The following CSMD1 variants were observed in gnomAD, a reference collection of about 807,000 sequenced individuals.
CSMD1 encodes the protein CUB and sushi domain-containing protein 1.
A neutral mutation model predicts 417.5 loss-of-function variants in CSMD1; 213 were observed. The observed-to-expected ratio is 0.51, with a 90% CI of 0.46 to 0.57. The LOEUF (loss-of-function observed/expected upper bound fraction) is 0.57. Ranked by LOEUF, CSMD1 falls within the 20% of genes least tolerant of loss-of-function variation. The pLI is 0.00. For synonymous variants in CSMD1, 2,862 were observed against 1,736.8 expected (o/e 1.65, Z -16.11); for missense variants, 6,923 against 4,529.7 (o/e 1.53, Z -15.17).
chr8:3,592,659 CGTGTGTGTGCACATCCGT>C (rs537174386), intron 8 of CSMD1, among the ~76,000 whole-genome samples: 13,054 of 151,454 alleles, frequency 0.086, 1,696 homozygotes, highest in African/African-American at 0.28. Context: ...TGTGTGTTTA[CGTGTGTGTGCACATCCGT>C]GTGTGTGTGC....
intron 3 of CSMD1, among the ~76,000 whole-genome samples, chr8:4,302,353 G>A (rs1363098248): frequency 2.6e-5 from 4 of 152,158 alleles, no homozygotes; most frequent in Non-Finnish European, 5.9e-5. Context: ...GTGATTCATA[G>A]TGATAATGTA....
At chr8:3,352,741 G>A (rs1246860935) in intron 21 of CSMD1, among the ~76,000 whole-genome samples, 1 of 152,174 alleles carries the variant, frequency 6.6e-6, no homozygotes, top group Non-Finnish European at 1.5e-5. Flanking sequence ...TTGGGAGGCT[G>A]AGGCCGGAGA....
chr8:4,894,272 G>T (rs1244724493), intron 1 of CSMD1, among the ~76,000 whole-genome samples: 1 of 151,926 alleles, frequency 6.6e-6, no homozygotes, highest in East Asian at 1.9e-4. Flanking sequence ...CAAGTCTTTT[G>T]TTTTGCTTTT....
intron 10 of CSMD1, among the ~76,000 whole-genome samples, chr8:3,563,111 T>C (rs958787981): frequency 2.6e-5 from 4 of 152,118 alleles, no homozygotes; most frequent in Non-Finnish European, 4.4e-5. Flanking sequence ...ATTTTATAAA[T>C]ATTTTCAAGA....
At chr8:3,951,536 A>T (rs1163824650) in intron 5 of CSMD1, among the ~76,000 whole-genome samples, 1 of 152,198 alleles carries the variant, frequency 6.6e-6, no homozygotes, top group Non-Finnish European at 1.5e-5. Flanking sequence ...TGTAAATATG[A>T]TGATCTATCT....
intron 5 of CSMD1, among the ~76,000 whole-genome samples, chr8:3,879,597 G>C (rs1019517599): frequency 6.6e-6 from 1 of 152,126 alleles, no homozygotes; most frequent in Non-Finnish European, 1.5e-5. Flanking sequence ...CTATCAGAAT[G>C]AGATTTGCTT....
At chr8:3,201,005 T>C (rs915151181) in intron 32 of CSMD1, among the ~76,000 whole-genome samples, 2 of 152,204 alleles carry the variant, frequency 1.3e-5, no homozygotes, top group African/African-American at 4.8e-5. Context: ...ACCGACTGAA[T>C]ACCATTCAGA....
At chr8:3,854,002 C>A (rs1185533711) in intron 5 of CSMD1, among the ~76,000 whole-genome samples, 3 of 142,154 alleles carry the variant, frequency 2.1e-5, no homozygotes, top group Non-Finnish European at 3.0e-5. Context: ...ATATATGATA[C>A]ATAACATATA....
At chr8:3,507,264 T>A (rs1049190628) in intron 10 of CSMD1, among the ~76,000 whole-genome samples, 4 of 152,162 alleles carry the variant, frequency 2.6e-5, no homozygotes, top group African/African-American at 9.7e-5. Context: ...AAGGAAAACT[T>A]CTGCCTTTAC....
chr8:4,573,146 C>T (rs545704976), intron 2 of CSMD1, among the ~76,000 whole-genome samples: 2 of 152,112 alleles, frequency 1.3e-5, no homozygotes, highest in Non-Finnish European at 2.9e-5. Context: ...TTCCCTGTCC[C>T]GTTGTGTTCC....
At chr8:4,179,405 T>C (rs538733738) in intron 3 of CSMD1, among the ~76,000 whole-genome samples, 1 of 152,240 alleles carries the variant, frequency 6.6e-6, no homozygotes, top group Non-Finnish European at 1.5e-5. Flanking sequence ...ATCCCTTCCT[T>C]ACACCCTATA....
intron 15 of CSMD1, among the ~76,000 whole-genome samples, chr8:3,401,708 G>C (rs570174680): frequency 6.6e-6 from 1 of 151,940 alleles, no homozygotes; most frequent in Non-Finnish European, 1.5e-5. Flanking sequence ...GGTGGAAAAA[G>C]GTCTTAGGAA....
chr8:3,287,142 A>G (rs200231356), intron 25 of CSMD1, among the ~76,000 whole-genome samples: 4,500 of 147,526 alleles, frequency 0.031, 104 homozygotes, highest in Admixed American at 0.077. Context: ...GTAGATATGC[A>G]GCATTATTTC....
intron 3 of CSMD1, among the ~76,000 whole-genome samples, chr8:4,205,973 A>G (rs1372982986): frequency 6.6e-5 from 10 of 151,964 alleles, no homozygotes; most frequent in Admixed American, 6.6e-4. Context: ...ACACGTTTCC[A>G]TTCTCTCTAC....
chr8:3,009,380 G>A (rs945719074), intron 52 of CSMD1, among the ~76,000 whole-genome samples: 1 of 152,176 alleles, frequency 6.6e-6, no homozygotes, highest in Non-Finnish European at 1.5e-5. Context: ...AATATCCTGG[G>A]CCTGTAGGGG....
intron 7 of CSMD1, among the ~76,000 whole-genome samples, chr8:3,672,474 T>A (rs975803702): frequency 6.6e-6 from 1 of 152,184 alleles, no homozygotes. Flanking sequence ...AAAACACGTG[T>A]AGGTCTGCTG....
intron 35 of CSMD1, among the ~76,000 whole-genome samples, chr8:3,188,304 CTTTTTTTTTTTT>C (rs33913660): frequency 9.1e-5 from 8 of 87,624 alleles, no homozygotes; most frequent in African/African-American, 1.4e-4. Flanking sequence ...CTTTTCCTTT[CTTTTTTTTTTTT>C]TTTTTTTTGA....
intron 2 of CSMD1, among the ~76,000 whole-genome samples, chr8:4,438,249 G>A (rs1350051125): frequency 6.6e-6 from 1 of 152,162 alleles, no homozygotes; most frequent in East Asian, 1.9e-4. Context: ...CTTGTTTTTA[G>A]AGTGCAGTTC....
At chr8:3,604,384 T>A (rs535296204) in intron 8 of CSMD1, among the ~76,000 whole-genome samples, 2 of 152,262 alleles carry the variant, frequency 1.3e-5, no homozygotes, top group African/African-American at 4.8e-5. Flanking sequence ...CTCCGAATCT[T>A]AAGATCTGGA....
Sources: allele counts gnomAD v4.1 joint callset (sites outside exome capture counted in the v4.1 genomes callset), GRCh38; gene constraint gnomAD v4.1.1; transcripts MANE v1.5; gene names NCBI Gene and HGNC (gene_info 2026-07-23, HGNC 2026-07-21).